The following MALRD1 variants were observed in gnomAD, a reference collection of about 807,000 sequenced individuals.
MALRD1 encodes the protein MAM and LDL-receptor class A domain-containing protein 1.
A neutral mutation model predicts 242.1 loss-of-function variants in MALRD1; 247 were observed. The ratio of observed to expected loss-of-function variants is 1.02; its 90% CI spans 0.92 to 1.13. The LOEUF (loss-of-function observed/expected upper bound fraction) is 1.13, where lower values mean the gene tolerates loss of function less well. Among genes scored for constraint, MALRD1 ranks in the 50% most tolerant of loss-of-function variants. The probability of loss-of-function intolerance (pLI) is 0.00; values close to 1 mark genes in which losing one functional copy is unlikely to be tolerated. For missense variants in MALRD1, 2,989 were observed against 2,533.1 expected (o/e 1.18, Z -3.86); for synonymous variants, 995 against 866.6 (o/e 1.15, Z -2.60).
intron 36 of MALRD1, among the ~76,000 whole-genome samples, chr10:19,652,006 C>T (rs1459963066): frequency 2.6e-5 from 4 of 152,136 alleles, no homozygotes; most frequent in Non-Finnish European, 4.4e-5. Flanking sequence ...AGTGTGGTTG[C>T]GACTTGAACC....
chr10:19,110,061 G>C (rs960733993), intron 5 of MALRD1, among the ~76,000 whole-genome samples: 1 of 152,188 alleles, frequency 6.6e-6, no homozygotes, highest in Non-Finnish European at 1.5e-5. Flanking sequence ...AATCCAGTCT[G>C]AGTCCCCATG....
intron 10 of MALRD1, among the ~76,000 whole-genome samples, chr10:19,145,409 C>G (rs1490655603): frequency 6.6e-6 from 1 of 151,962 alleles, no homozygotes; most frequent in East Asian, 1.9e-4. Context: ...TTTGGCAGGC[C>G]AAAATGAGCA....
chr10:19,677,511 T>C (rs1842184522), intron 36 of MALRD1, among the ~76,000 whole-genome samples: 1 of 152,150 alleles, frequency 6.6e-6, no homozygotes, highest in Non-Finnish European at 1.5e-5. Context: ...TTTAATGGGG[T>C]TGTTTGGGGT....
intron 19 of MALRD1, among the ~76,000 whole-genome samples, chr10:19,270,630 G>C (rs1465522424): frequency 6.6e-6 from 1 of 151,994 alleles, no homozygotes; most frequent in Non-Finnish European, 1.5e-5. Context: ...GGAGAGGAGA[G>C]CCAGAAGTGA....
chr10:19,249,178 A>G lies in MALRD1; in HGVS notation c.2992-8506A>G, dbSNP rs1012919709. ...CTCCAGATAGAAAGTGATGCTTGAT[A>G]AATAACCGAAGATTGAAGGAAAGGA... On this transcript the variant is annotated intron_variant, in intron 18 of 39. Coordinates refer to ENST00000454679, the MANE Select transcript of MALRD1 (RefSeq NM_001142308.3). Among the ~76,000 whole-genome samples the G allele has an allele frequency of 2.0e-5, 3 of 151,634 alleles. No individual in the cohort carries two copies. The South Asian group carries it at 6.2e-4, about 31-fold the overall frequency.
intron 21 of MALRD1, among the ~76,000 whole-genome samples, chr10:19,293,327 T>C (rs1422403721): frequency 1.3e-5 from 2 of 152,182 alleles, no homozygotes; most frequent in Non-Finnish European, 2.9e-5. Flanking sequence ...AGTTATTTTC[T>C]TTTAACTGTT....
rs1302392349 is a variant in MALRD1, at chr10:19,389,582, C to T, written c.4818C>T (p.Ala1606=). ...MSFWYFVSAK[A]TGSIQILIKT... is the part of the protein sequence containing the mutation. ...TCTGGTATTTCGTATCTGCAAAGGC[C>T]ACAGGATCCATTCAGATTCTCATCA... Residue 1606 remains alanine (A), a synonymous_variant, in exon 28 of 40, where the codon GCC becomes GCT. Coordinates refer to ENST00000454679, the MANE Select transcript of MALRD1 (RefSeq NM_001142308.3). The T allele has an allele frequency of 1.3e-6, 2 of 1,550,298 alleles. No homozygotes were observed. Among genetic ancestry groups the T allele is most frequent in the African/African-American group, 1.4e-5 (1 of 72,942 alleles).
chr10:19,245,535 C>T (rs1839006885), intron 18 of MALRD1, among the ~76,000 whole-genome samples: 1 of 152,086 alleles, frequency 6.6e-6, no homozygotes, highest in Non-Finnish European at 1.5e-5. Flanking sequence ...AATTTATATT[C>T]CTAGGACTTT....
At chr10:19,085,000 A>G (rs2358298) in intron 2 of MALRD1, among the ~76,000 whole-genome samples, 81,249 of 151,756 alleles carry the variant, frequency 0.54, 21,885 homozygotes, top group Middle Eastern at 0.6. Flanking sequence ...TATAATGAGG[A>G]TGGTGTAGAG....
chr10:19,583,279 A>G (rs1159869273), intron 33 of MALRD1, among the ~76,000 whole-genome samples: 8 of 148,246 alleles, frequency 5.4e-5, no homozygotes, highest in African/African-American at 1.7e-4. Flanking sequence ...GAGTGGTGAG[A>G]GAGGGCATCC....
chr10:19,684,499 T>C (rs1842494332), intron 36 of MALRD1, among the ~76,000 whole-genome samples: 1 of 152,196 alleles, frequency 6.6e-6, no homozygotes, highest in African/African-American at 2.4e-5. Flanking sequence ...CTCATGCCTG[T>C]AATTCCAGCA....
rs184656449 is a variant in MALRD1, at chr10:19,588,372, T to G, written c.5681-6822T>G. Among the ~76,000 whole-genome samples the G allele has an allele frequency of 3.0e-3, 450 of 152,330 alleles. 4 individuals carry two copies. The highest frequency in any genetic ancestry group is 2.2e-3 in the Non-Finnish European group (149 of 68,026). On this transcript the variant is annotated intron_variant, in intron 33 of 39. Coordinates refer to ENST00000454679, the MANE Select transcript of MALRD1 (RefSeq NM_001142308.3). ...GATTGAACACACATCTCATGCCATTTACTCTTTTGGGCATTAGGATGTCAG... is the reference window on the plus strand; with the variant it reads ...GATTGAACACACATCTCATGCCATTGACTCTTTTGGGCATTAGGATGTCAG...
chr10:19,130,648 T>A (rs890081652), intron 8 of MALRD1, among the ~76,000 whole-genome samples: 3 of 151,800 alleles, frequency 2.0e-5, no homozygotes, highest in African/African-American at 7.3e-5. Context: ...TAGAATGGAA[T>A]TGTGTATTTA....
chr10:19,181,257 C>G (rs1835490901), intron 14 of MALRD1, among the ~76,000 whole-genome samples: 1 of 152,164 alleles, frequency 6.6e-6, no homozygotes, highest in African/African-American at 2.4e-5. Flanking sequence ...GCTATCTGCA[C>G]TCCCATGTTC....
At chr10:19,651,270 C>T (rs1840873405) in intron 36 of MALRD1, among the ~76,000 whole-genome samples, 1 of 152,078 alleles carries the variant, frequency 6.6e-6, no homozygotes, top group African/African-American at 2.4e-5. Flanking sequence ...CTGGAGCATC[C>T]TTGAATATGT....
chr10:19,208,564 G>C (rs888305263), intron 17 of MALRD1, among the ~76,000 whole-genome samples: 9 of 152,104 alleles, frequency 5.9e-5, no homozygotes, highest in African/African-American at 2.2e-4. Flanking sequence ...GATCTGGGAC[G>C]GGATGGAACC....
chr10:19,669,297 A>G (rs889094981), intron 36 of MALRD1, among the ~76,000 whole-genome samples: 3 of 152,246 alleles, frequency 2.0e-5, no homozygotes, highest in Non-Finnish European at 4.4e-5. Context: ...CTAAAAATGG[A>G]CTATGAACAT....
chr10:19,644,915 A>T (rs1033259793), intron 36 of MALRD1, among the ~76,000 whole-genome samples: 1 of 152,174 alleles, frequency 6.6e-6, no homozygotes, highest in African/African-American at 2.4e-5. Context: ...ATAGTTCATA[A>T]ATCTATTGTC....
rs1212915450 is a variant in MALRD1 at position 19,280,103 on chromosome 10, C to T, written c.3136C>T (p.Pro1046Ser). The change falls in exon 20 of 40, where the codon CCT (proline) becomes TCT (serine). Residue 1046 changes from proline (P) to serine (S), a missense_variant. Transcript: ENST00000454679. ...PPETSVPVTL[P>S]PHNCTDNEFI... is the part of the protein sequence containing the mutation. ...AGAAACGTCAGTTCCTGTAACATTA[C>T]CTCCACACAACTGCACAGACAATGA... 4 of 1,538,912 alleles carry T rather than the reference C, an allele frequency of 2.6e-6. No individual in the cohort carries two copies. The highest frequency in any genetic ancestry group is 3.5e-6 in the Non-Finnish European group (4 of 1,142,666).
Sources: gnomAD v4.1 joint callset for allele counts (sites outside exome capture counted in the v4.1 genomes callset) on GRCh38, gnomAD v4.1.1 for gene constraint, MANE v1.5 for transcripts, NCBI Gene and HGNC (gene_info 2026-07-23, HGNC 2026-07-21) for gene names.